CDK18: variants seen among roughly 807,000 people sequenced by gnomAD.
CDK18 encodes cyclin-dependent kinase 18.
CDK18 carries 52 observed loss-of-function variants against 62.0 expected under a neutral mutation model. That is an observed-to-expected ratio of 0.84 (90% CI 0.67 to 1.06). The LOEUF (loss-of-function observed/expected upper bound fraction) is 1.06, where lower values mean the gene tolerates loss of function less well. Among genes scored for constraint, CDK18 ranks in the 50% least tolerant of loss-of-function variants. The probability of loss-of-function intolerance (pLI) is 0.00; values close to 1 mark genes in which losing one functional copy is unlikely to be tolerated. For synonymous variants in CDK18, 237 were observed against 247.0 expected (o/e 0.96, Z 0.38); for missense variants, 604 against 619.9 (o/e 0.97, Z 0.27).
At chr1:205,506,153 C>CGGTGCTGAG (rs1667295969) in intron 1 of CDK18, among the ~76,000 whole-genome samples, 2 of 152,152 alleles carry the variant, frequency 1.3e-5, no homozygotes, top group Admixed American at 6.5e-5. Context: ...CCTGGGAAAA[C>CGGTGCTGAG]GGTGCTGAGG....
Position 205,531,605 on chromosome 1 carries a change from G to A in CDK18, c.*227G>A, listed in dbSNP as rs1668741740. The stretch of plus-strand genomic sequence containing the variant: ...CCAACCCCTCCTTTACCCACGTTGG[G>A]GCTGGCATAAGCTGCTTCCCTGAGA... On this transcript the variant is annotated 3_prime_UTR_variant, in exon 16 of 16. Coordinates refer to ENST00000429964, the MANE Select transcript of CDK18 (RefSeq NM_212502.3). 3.6e-6 allele frequency: 2 copies of A among 560,788 alleles called. No individual in the cohort carries two copies. Among genetic ancestry groups the A allele is most frequent in the Admixed American group, 6.1e-5 (2 of 32,668 alleles). 34.7% of individuals were successfully genotyped at this position (560,788 alleles called of 1,614,324 possible). A position where few individuals can be genotyped will look rare whatever the true frequency, so the allele number is the denominator to read the frequency against.
Position 205,527,760 on chromosome 1 carries a change from C to G in CDK18, c.730-34C>G. On this transcript the variant is annotated intron_variant, in intron 8 of 15. Coordinates refer to ENST00000429964, the MANE Select transcript of CDK18 (RefSeq NM_212502.3). The surrounding 1 kb of genome is among the most constrained non-coding windows in gnomAD (Gnocchi z 4.1). ...CCTTGGAGCAGAGGCTCAGGGCCAC[C>G]TTCCACCCCACATTTCTCTTCCCCC... 1 of 1,610,150 alleles carries G rather than the reference C, an allele frequency of 6.2e-7. No individual in the cohort carries two copies. Among genetic ancestry groups the G allele is most frequent in the Non-Finnish European group, 8.5e-7 (1 of 1,177,672 alleles).
intron 1 of CDK18, among the ~76,000 whole-genome samples, chr1:205,505,416 A>G (rs1667258027): frequency 6.6e-6 from 1 of 151,744 alleles, no homozygotes; most frequent in South Asian, 2.1e-4. Context: ...GGTCTGGGGA[A>G]TGCTGCTGCT....
chr1:205,531,858 G>C lies in CDK18; in HGVS notation c.*480G>C. 5.5e-6 allele frequency: 1 copy of C among 180,726 alleles called. No individual in the cohort carries two copies. Among genetic ancestry groups the C allele is most frequent in the South Asian group, 1.2e-4 (1 of 8,168 alleles). 11.2% of individuals were successfully genotyped at this position (180,726 alleles called of 1,614,324 possible). The stretch of plus-strand genomic sequence containing the variant: ...TCTTTTTCCCCTCTGAGAGCAAGAA[G>C]AGACATGGCATGTTCTCTGGGACCC... On this transcript the variant is annotated 3_prime_UTR_variant, in exon 16 of 16. Transcript: ENST00000429964.
chr1:205,510,881 C>T (rs943760069), intron 1 of CDK18, among the ~76,000 whole-genome samples: 3 of 152,214 alleles, frequency 2.0e-5, no homozygotes, highest in African/African-American at 4.8e-5. Context: ...GCTGGGGTCC[C>T]AAGAGGGGCT....
Position 205,530,699 on chromosome 1 carries a change from C to CA in CDK18, c.1385dup (p.Pro463AlafsTer44), listed in dbSNP as rs1360384858. 6.2e-7 allele frequency: 1 copy of CA among 1,613,472 alleles called. No homozygotes were observed. The highest frequency in any genetic ancestry group is 1.7e-5 in the Admixed American group (1 of 60,032). ...AGGCTACCGAGGCTTGGCCTTCCAGCAGCCAGGTAGGGGCTTGTGCTCTCC... is the reference window on the plus strand; with the variant it reads ...AGGCTACCGAGGCTTGGCCTTCCAGCAAGCCAGGTAGGGGCTTGTGCTCTCC... On this transcript the variant is annotated frameshift_variant, in exon 15 of 16. Coordinates refer to ENST00000429964, the MANE Select transcript of CDK18 (RefSeq NM_212502.3). LOFTEE classifies it high-confidence loss of function.
At chr1:205,518,994 C>T (rs1667975472) in intron 1 of CDK18, among the ~76,000 whole-genome samples, 1 of 152,172 alleles carries the variant, frequency 6.6e-6, no homozygotes, top group African/African-American at 2.4e-5. Context: ...CTTCCTCCAC[C>T]CCCCACTGCC....
At chr1:205,529,293 A>G in intron 11 of CDK18, 31 bp from the exon 12 acceptor site, 1 of 1,588,234 alleles carries the variant, frequency 6.3e-7, no homozygotes, top group South Asian at 1.1e-5. Flanking sequence ...GGCCTCACGC[A>G]GGCCCTCCCC....
At position 205,527,887 on chromosome 1, in the gene CDK18, G is replaced by A; in HGVS notation, c.823G>A (p.Glu275Lys). The A allele has an allele frequency of 1.9e-6, 3 of 1,614,138 alleles. No individual in the cohort carries two copies. The highest frequency in any genetic ancestry group is 2.7e-5 in the African/African-American group (2 of 75,014). ...DLKPQNLLIN[E>K]RGELKLADFG... ...GAAGCCCCAGAACCTGCTCATCAAC[G>A]AGAGGGGGGAGCTGAAGCTGGCCGA... Residue 275 changes from glutamate to lysine, a missense_variant, in exon 9 of 16, where the codon GAG becomes AAG. Coordinates refer to ENST00000429964, the MANE Select transcript of CDK18 (RefSeq NM_212502.3). This position sits in a 1 kb window ranked among gnomAD's most constrained non-coding sequence, Gnocchi z 4.1.
At position 205,532,136 on chromosome 1, in the gene CDK18, A is replaced by T. The variant is rs149881348; in HGVS notation, c.*758A>T. On this transcript the variant is annotated 3_prime_UTR_variant, in exon 16 of 16. Coordinates refer to ENST00000429964, the MANE Select transcript of CDK18 (RefSeq NM_212502.3). ...CTGCCACCTCAGCCAGCCCCCGCCC[A>T]GCTCATCAGTCTGAATGGAGTTGCC... The T allele has an allele frequency of 6.5e-6, 1 of 152,896 alleles. No individual in the cohort carries two copies. Among genetic ancestry groups the T allele is most frequent in the African/African-American group, 2.4e-5 (1 of 41,432 alleles). 9.5% of individuals were successfully genotyped at this position (152,896 alleles called of 1,614,324 possible). A position where few individuals can be genotyped will look rare whatever the true frequency, so the allele number is the denominator to read the frequency against.
At chr1:205,507,593 C>T (rs1288075146) in intron 1 of CDK18, among the ~76,000 whole-genome samples, 1 of 141,854 alleles carries the variant, frequency 7.0e-6, no homozygotes, top group East Asian at 2.0e-4. Flanking sequence ...GAGATTGCAC[C>T]GCTGTACTCC....
rs200884428 is a variant in CDK18 at position 205,510,079 on chromosome 1, C to CA, written c.-22+5299dup. On this transcript the variant is annotated intron_variant, in intron 1 of 15. Transcript: ENST00000429964. ...TGGGTGACAGAGCAAGACTTTGTCT[C>CA]AAAAAAAAAAAAAAAATTTCTACCC... 3.8e-3 allele frequency among the ~76,000 whole-genome samples: 497 copies of CA among 131,812 alleles called. 1 individual carries two copies. Among genetic ancestry groups the CA allele is most frequent in the African/African-American group, 4.6e-3 (167 of 36,316 alleles). The allele number at this position is 131,812 out of a possible 152,430, so 86.5% of individuals were successfully genotyped here.
In CDK18 at chr1:205,529,521, G is replaced by C; in HGVS notation, c.1179G>C (p.Arg393Ser). ...CTGTGTCCGCGCCTTCTCCTTGCAG[G>C]TTGGATACGGATGGCATCCACCTCC... ...LPQPLINHAP[R>S]LDTDGIHLLS... Residue 393 changes from arginine to serine, a missense_variant and splice_region_variant, in exon 13 of 16, where the codon AGG becomes AGC. Transcript: ENST00000429964. 1 of 1,611,224 alleles carries C rather than the reference G, an allele frequency of 6.2e-7. No individual in the cohort carries two copies. The highest frequency in any genetic ancestry group is 8.5e-7 in the Non-Finnish European group (1 of 1,178,288).
intron 12 of CDK18, 40 bp from the exon 13 acceptor site, chr1:205,529,481 C>T: frequency 6.2e-7 from 1 of 1,609,806 alleles, no homozygotes; most frequent in Middle Eastern, 1.7e-4. Flanking sequence ...TCTCCCATCC[C>T]CAATCAGGCA....
Position 205,524,234 on chromosome 1 carries a change from C to T in CDK18, c.276C>T (p.Asp92=), listed in dbSNP as rs748638364. 93 of 1,614,062 alleles carry T rather than the reference C, an allele frequency of 5.8e-5. No individual in the cohort carries two copies. Among genetic ancestry groups the T allele is most frequent in the Non-Finnish European group, 7.4e-5 (87 of 1,180,024 alleles). Residue 92 remains aspartate, a splice_region_variant and synonymous_variant, in exon 4 of 16, where the codon GAC becomes GAT. Transcript: ENST00000429964. Reference sequence around the variant, plus strand: ...CCATCTCATCCCTGTCACCACAGGACGTCAGCAAGAGGCTCTCTCTGCCCA... The same window carrying T: ...CCATCTCATCCCTGTCACCACAGGATGTCAGCAAGAGGCTCTCTCTGCCCA... ...RQNQRRFSME[D]VSKRLSLPMD... is the part of the protein sequence containing the mutation.
intron 1 of CDK18, among the ~76,000 whole-genome samples, chr1:205,520,399 C>T (rs1668057404): frequency 6.6e-6 from 1 of 152,188 alleles, no homozygotes; most frequent in African/African-American, 2.4e-5. Flanking sequence ...TGATGTTCAG[C>T]TATCTTTGAA....
intron 5 of CDK18, 45 bp downstream of exon 5, chr1:205,525,240 G>T (rs978315556): frequency 4.7e-6 from 7 of 1,480,472 alleles, no homozygotes; most frequent in Non-Finnish European, 6.5e-6. Flanking sequence ...AGGCAGGATG[G>T]CTTGGAGGAG....
rs77517454 is a variant in CDK18 at position 205,527,060 on chromosome 1, A to G, written c.729+223A>G. 1,560 of 555,720 alleles carry G rather than the reference A, an allele frequency of 2.8e-3. 15 individuals carry two copies. Among genetic ancestry groups the G allele is most frequent in the African/African-American group, 0.026 (1,372 of 53,278 alleles). The allele number at this position is 555,720 out of a possible 1,614,324, so 34.4% of individuals were successfully genotyped here. On this transcript the variant is annotated intron_variant, in intron 8 of 15. Transcript: ENST00000429964. The surrounding 1 kb of genome is among the most constrained non-coding windows in gnomAD (Gnocchi z 4.1). ...TGTCTGCCACTGTCTAGCTGTTGGT[A>G]TAAAACCCACTCTCAACTCTGAACA...
chr1:205,526,847 CG>C lies in CDK18; in HGVS notation c.729+15del. 2 of 1,611,310 alleles carry C rather than the reference CG, an allele frequency of 1.2e-6. No individual in the cohort carries two copies. The highest frequency in any genetic ancestry group is 1.7e-6 in the Non-Finnish European group (2 of 1,177,454). On this transcript the variant is annotated intron_variant, in intron 8 of 15. Coordinates refer to ENST00000429964, the MANE Select transcript of CDK18 (RefSeq NM_212502.3). ...CATGCACAACGTCAAGGTGAGGCCTCGGGGGCAGGGTCCCCCCATCTTGGCA... is the reference window on the plus strand; with the variant it reads ...CATGCACAACGTCAAGGTGAGGCCTCGGGGCAGGGTCCCCCCATCTTGGCA...
Sources: gnomAD v4.1 joint callset for allele counts (sites outside exome capture counted in the v4.1 genomes callset) on GRCh38, gnomAD v4.1.1 for gene constraint, Gnocchi (gnomAD v3.1) non-coding constraint, MANE v1.5 for transcripts, NCBI Gene and HGNC (gene_info 2026-07-23, HGNC 2026-07-21) for gene names.